The following TRHDE variants were observed in gnomAD, a reference collection of about 807,000 sequenced individuals.
The protein encoded by TRHDE is thyrotropin releasing hormone degrading enzyme.
A neutral mutation model predicts 125.7 loss-of-function variants in TRHDE; 72 were observed. That is an observed-to-expected ratio of 0.57 (90% CI 0.47 to 0.70). The LOEUF is 0.70. Ranked by LOEUF, TRHDE falls within the 30% of genes least tolerant of loss-of-function variation. The probability of loss-of-function intolerance (pLI) is 0.00; values close to 1 mark genes in which losing one functional copy is unlikely to be tolerated. For synonymous variants in TRHDE, 509 were observed against 509.1 expected (o/e 1.00, Z 0.00); for missense variants, 1,110 against 1,327.1 (o/e 0.84, Z 2.54).
chr12:72,620,338 C>CAAAAAAAAAAAAA (rs3080963), intron 13 of TRHDE, among the ~76,000 whole-genome samples: 1 of 67,488 alleles, frequency 1.5e-5, no homozygotes, highest in Non-Finnish European at 3.5e-5. Flanking sequence ...CCCATCTCTA[C>CAAAAAAAAAAAAA]AAAAAAAAAA....
chr12:72,384,266 A>G (rs1413179752), intron 3 of TRHDE, among the ~76,000 whole-genome samples: 1 of 152,148 alleles, frequency 6.6e-6, no homozygotes, highest in East Asian at 1.9e-4. Flanking sequence ...TCAAGACACC[A>G]TGCTTTTATG....
chr12:72,605,687 C>T (rs1052126091), intron 12 of TRHDE, among the ~76,000 whole-genome samples: 4 of 151,956 alleles, frequency 2.6e-5, no homozygotes, highest in Non-Finnish European at 5.9e-5. Flanking sequence ...CACTTTAAAT[C>T]ATAAAGAATT....
intron 2 of TRHDE, among the ~76,000 whole-genome samples, chr12:72,329,521 T>C (rs1400486793): frequency 6.6e-6 from 1 of 152,218 alleles, no homozygotes. Flanking sequence ...GTGGGTGTTG[T>C]ATAACATTTT....
At chr12:72,334,956 T>C (rs78908827) in intron 2 of TRHDE, among the ~76,000 whole-genome samples, 3,196 of 152,248 alleles carry the variant, frequency 0.021, 78 homozygotes, top group Non-Finnish European at 0.022. Flanking sequence ...TCTTCGTCAC[T>C]TTTAAGTTCG....
At chr12:72,284,359 G>A (rs1403459736) in intron 1 of TRHDE, among the ~76,000 whole-genome samples, 1 of 152,096 alleles carries the variant, frequency 6.6e-6, no homozygotes, top group Non-Finnish European at 1.5e-5. Context: ...AATCCCATGG[G>A]CATCTTTTAA....
chr12:72,653,140 A>G lies in TRHDE; in HGVS notation c.2968A>G (p.Lys990Glu). ...CTGGAAGTTTTTCAGGGATAAATGGAAGATATTAAATACCAGGTAGAAATT... is the reference window on the plus strand; with the variant it reads ...CTGGAAGTTTTTCAGGGATAAATGGGAGATATTAAATACCAGGTAGAAATT... The part of the protein sequence containing the change: ...LAWKFFRDKW[K>E]ILNTRYGEAL... Residue 990 changes from lysine to glutamate, a missense_variant, in exon 17 of 19, where the codon AAG becomes GAG. Lys to Glu is a moderately conservative substitution (Grantham distance 56). Transcript: ENST00000261180. 6.2e-7 allele frequency: 1 copy of G among 1,609,328 alleles called. No homozygotes were observed. Among genetic ancestry groups the G allele is most frequent in the Non-Finnish European group, 8.5e-7 (1 of 1,177,426 alleles).
At chr12:72,618,626 A>G (rs1872916276) in intron 12 of TRHDE, among the ~76,000 whole-genome samples, 1 of 152,088 alleles carries the variant, frequency 6.6e-6, no homozygotes, top group Non-Finnish European at 1.5e-5. Flanking sequence ...GGTTTTGCTT[A>G]TGTTCCATAA....
At chr12:72,484,215 T>A (rs1021104678) in intron 5 of TRHDE, among the ~76,000 whole-genome samples, 4 of 152,168 alleles carry the variant, frequency 2.6e-5, no homozygotes, top group Non-Finnish European at 5.9e-5. Context: ...TTATGACTAA[T>A]GTGCAAAATG....
At chr12:72,548,580 G>T (rs1346745944) in intron 7 of TRHDE, among the ~76,000 whole-genome samples, 2 of 151,484 alleles carry the variant, frequency 1.3e-5, no homozygotes, top group Non-Finnish European at 3.0e-5. Context: ...AGTAATTCAA[G>T]TAATTATTCT....
chr12:72,263,518 T>A (rs188169359), intron 2 of TRHDE: 1 of 152,234 alleles, frequency 6.6e-6, no homozygotes, highest in East Asian at 1.9e-4. Flanking sequence ...ACCATTCTAG[T>A]GCATCTTTTA....
At chr12:72,332,560 C>G (rs1180265107) in intron 2 of TRHDE, among the ~76,000 whole-genome samples, 1 of 152,198 alleles carries the variant, frequency 6.6e-6, no homozygotes, top group African/African-American at 2.4e-5. Context: ...GGCCCAGCCT[C>G]CAACATTGGC....
At chr12:72,317,318 G>A (rs1426992567) in intron 2 of TRHDE, among the ~76,000 whole-genome samples, 5 of 152,142 alleles carry the variant, frequency 3.3e-5, no homozygotes, top group African/African-American at 4.8e-5. Context: ...TAAATTAAAT[G>A]AGAATTTTAA....
intron 3 of TRHDE, among the ~76,000 whole-genome samples, chr12:72,457,319 T>C (rs777914289): frequency 6.6e-6 from 1 of 152,170 alleles, no homozygotes; most frequent in Non-Finnish European, 1.5e-5. Flanking sequence ...ATATTTTCCA[T>C]TTCTGTAATT....
chr12:72,099,157 C>T (rs1875008000), intron 1 of TRHDE, among the ~76,000 whole-genome samples: 1 of 140,598 alleles, frequency 7.1e-6, no homozygotes, highest in African/African-American at 2.9e-5. Context: ...GAGTGAGACT[C>T]TGTCAAGAAA....
chr12:72,211,494 A>G (rs1048612413), intron 2 of TRHDE, among the ~76,000 whole-genome samples: 6 of 152,234 alleles, frequency 3.9e-5, no homozygotes, highest in East Asian at 1.9e-4. Flanking sequence ...TACAATAATC[A>G]TATATTCAGC....
At chr12:72,100,459 T>G (rs2139288573) in intron 1 of TRHDE, among the ~76,000 whole-genome samples, 1 of 152,298 alleles carries the variant, frequency 6.6e-6, no homozygotes, top group South Asian at 2.1e-4. Flanking sequence ...AGTTTAAGCT[T>G]TTGTTACCAT....
At chr12:72,292,455 C>G (rs1565686435) in intron 2 of TRHDE, among the ~76,000 whole-genome samples, 1 of 152,194 alleles carries the variant, frequency 6.6e-6, no homozygotes, top group Non-Finnish European at 1.5e-5. Context: ...CATCTCTTCT[C>G]TTTTATAATT....
chr12:72,602,859 C>A (rs902462759), intron 12 of TRHDE, among the ~76,000 whole-genome samples: 1 of 152,136 alleles, frequency 6.6e-6, no homozygotes, highest in Non-Finnish European at 1.5e-5. Flanking sequence ...CCCACAATTG[C>A]CCTTTAGCCA....
chr12:72,110,828 C>T (rs77394071), intron 2 of TRHDE, among the ~76,000 whole-genome samples: 4,249 of 152,086 alleles, frequency 0.028, 113 homozygotes, highest in East Asian at 0.11. Flanking sequence ...GTTTTGTAAA[C>T]GAGCCTAAAT....
Sources: gnomAD v4.1 joint callset for allele counts (sites outside exome capture counted in the v4.1 genomes callset) on GRCh38, gnomAD v4.1.1 for gene constraint, MANE v1.5 for transcripts, NCBI Gene and HGNC (gene_info 2026-07-23, HGNC 2026-07-21) for gene names.